The following GTF2F2 variants were observed in gnomAD, a reference collection of about 807,000 sequenced individuals.
GTF2F2 encodes the protein ATP-dependent helicase GTF2F2.
In GTF2F2, 23 loss-of-function variants were observed where a neutral mutation model predicts 42.2. The ratio of observed to expected loss-of-function variants is 0.55; its 90% CI spans 0.39 to 0.77. The LOEUF (loss-of-function observed/expected upper bound fraction) is 0.77, where lower values mean the gene tolerates loss of function less well. Among genes scored for constraint, GTF2F2 ranks in the 30% least tolerant of loss-of-function variants. The pLI is 0.00. For synonymous variants in GTF2F2, 105 were observed against 100.8 expected, an observed-to-expected ratio of 1.04 and a Z score of -0.25; for missense variants, 261 against 287.2, an observed-to-expected ratio of 0.91 and a Z score of 0.66.
chr13:45,184,971 C>G (rs539800228), intron 4 of GTF2F2, among the ~76,000 whole-genome samples: 1 of 152,052 alleles, frequency 6.6e-6, no homozygotes, highest in Non-Finnish European at 1.5e-5. Context: ...GCCACCACGC[C>G]CAACTGTTTT....
At chr13:45,130,306 G>C (rs1246347296) in intron 1 of GTF2F2, among the ~76,000 whole-genome samples, 5 of 152,220 alleles carry the variant, frequency 3.3e-5, no homozygotes, top group Non-Finnish European at 1.5e-5. Context: ...ATAGAATGAT[G>C]ATAGGGCTGT....
chr13:45,264,329 T>C (rs1876476962), intron 6 of GTF2F2, among the ~76,000 whole-genome samples: 1 of 151,958 alleles, frequency 6.6e-6, no homozygotes, highest in Admixed American at 6.6e-5. Flanking sequence ...TTGCTGAGAG[T>C]GGAGTGTAGT....
chr13:45,245,544 C>A, intron 5 of GTF2F2, among the ~76,000 whole-genome samples: 1 of 151,826 alleles, frequency 6.6e-6, no homozygotes, highest in Non-Finnish European at 1.5e-5. Context: ...TGAGAACATA[C>A]AATGTTTGGT....
At chr13:45,269,476 A>G (rs1876699601) in intron 7 of GTF2F2, among the ~76,000 whole-genome samples, 1 of 152,202 alleles carries the variant, frequency 6.6e-6, no homozygotes, top group Non-Finnish European at 1.5e-5. Context: ...TGACTGGGAA[A>G]GAAAGTTGCC....
chr13:45,124,555 T>TTTTG (rs372698272), intron 1 of GTF2F2, among the ~76,000 whole-genome samples: 9 of 151,518 alleles, frequency 5.9e-5, no homozygotes, highest in African/African-American at 1.7e-4. Flanking sequence ...ATGGGGTTTA[T>TTTTG]TTTGTTTGTT....
In GTF2F2 at chr13:45,136,470, T is replaced by C. The variant is rs149347438; in HGVS notation, c.67-263T>C. Among the ~76,000 whole-genome samples, 27 of 152,348 alleles carry C rather than the reference T, an allele frequency of 1.8e-4. 1 individual carries two copies. The South Asian group carries it at 5.6e-3, about 32-fold the overall frequency. On this transcript the variant is annotated intron_variant, in intron 1 of 7. Coordinates refer to ENST00000340473, the MANE Select transcript of GTF2F2 (RefSeq NM_004128.3). The stretch of plus-strand genomic sequence containing the variant: ...CTTCTGTGACCTTTAATTGGACTTA[T>C]TTGGGAAGATAAGTTGGTGCTTTAT...
chr13:45,216,770 C>G (rs1873906240), intron 5 of GTF2F2, among the ~76,000 whole-genome samples: 1 of 151,990 alleles, frequency 6.6e-6, no homozygotes, highest in African/African-American at 2.4e-5. Flanking sequence ...CCACCCGCTT[C>G]AGCCTCCCCA....
In GTF2F2 at chr13:45,234,994, A is replaced by G. The variant is rs112655882; in HGVS notation, c.387-17877A>G. Among the ~76,000 whole-genome samples the G allele has an allele frequency of 9.3e-3, 1,345 of 143,916 alleles. 12 individuals carry two copies. Among genetic ancestry groups the G allele is most frequent in the Middle Eastern group, 0.04 (11 of 276 alleles). The allele number at this position is 143,916 out of a possible 152,430, so 94.4% of individuals were successfully genotyped here. On this transcript the variant is annotated intron_variant, in intron 5 of 7. Transcript: ENST00000340473. ...CAGGAGGCAGAGCTTGCAGTGAGCC[A>G]AGATTGTGCCATTGCACTCCAGCCT...
intron 5 of GTF2F2, among the ~76,000 whole-genome samples, chr13:45,229,307 A>G (rs1233195823): frequency 7.0e-6 from 1 of 142,378 alleles, no homozygotes; most frequent in Non-Finnish European, 1.5e-5. Flanking sequence ...ACTTCCCCCC[A>G]CCTCCCACCA....
intron 4 of GTF2F2, among the ~76,000 whole-genome samples, chr13:45,186,024 G>C (rs1266016127): frequency 6.6e-6 from 1 of 151,968 alleles, no homozygotes; most frequent in Admixed American, 6.5e-5. Context: ...GCCCAGGCTG[G>C]AGTGCAGTGG....
intron 5 of GTF2F2, among the ~76,000 whole-genome samples, chr13:45,231,677 A>AT (rs922796694): frequency 7.4e-5 from 11 of 148,366 alleles, no homozygotes; most frequent in Non-Finnish European, 9.0e-5. Context: ...TCTTTCTCTC[A>AT]TTTTTTTTTT....
intron 4 of GTF2F2, among the ~76,000 whole-genome samples, chr13:45,177,163 A>T (rs1335397709): frequency 4.0e-5 from 6 of 150,760 alleles, no homozygotes; most frequent in African/African-American, 9.8e-5. Context: ...AGAATGATGT[A>T]TTTTTTTTTA....
rs370459653 is a variant in GTF2F2, at chr13:45,258,815, T to C, written c.486+5845T>C. Among the ~76,000 whole-genome samples, 47 of 152,336 alleles carry C rather than the reference T, an allele frequency of 3.1e-4. No individual in the cohort carries two copies. The South Asian group carries it at 7.5e-3, about 24-fold the overall frequency. ...TACGTTTGTCCAGTTTATAAAGATA[T>C]ATGCATAGCTCATGCTTTTAATTTT... On this transcript the variant is annotated intron_variant, in intron 6 of 7. Transcript: ENST00000340473.
chr13:45,251,266 C>A (rs1875865312), intron 5 of GTF2F2, among the ~76,000 whole-genome samples: 1 of 151,972 alleles, frequency 6.6e-6, no homozygotes, highest in Non-Finnish European at 1.5e-5. Context: ...TATACAGACA[C>A]CTTTTATACT....
intron 6 of GTF2F2, among the ~76,000 whole-genome samples, chr13:45,261,437 A>AC (rs1876339959): frequency 5.3e-5 from 8 of 150,918 alleles, no homozygotes; most frequent in African/African-American, 1.7e-4. Flanking sequence ...AAAAAAAAAA[A>AC]AAAAAAAGAA....
chr13:45,191,224 A>AAAAAAATATAT, intron 4 of GTF2F2, among the ~76,000 whole-genome samples: 7 of 75,346 alleles, frequency 9.3e-5, no homozygotes, highest in African/African-American at 6.0e-4. Flanking sequence ...ACAAAAAAAA[A>AAAAAAATATAT]ATATATATAT....
chr13:45,122,402 G>T (rs746680166), intron 1 of GTF2F2, among the ~76,000 whole-genome samples: 1 of 152,102 alleles, frequency 6.6e-6, no homozygotes, highest in Non-Finnish European at 1.5e-5. Flanking sequence ...TTGGGAGGCC[G>T]AGGTGGGTGG....
intron 5 of GTF2F2, among the ~76,000 whole-genome samples, chr13:45,251,907 A>G (rs1875893779): frequency 6.6e-6 from 1 of 152,194 alleles, no homozygotes. Context: ...TTGCATCATT[A>G]AAAATAGTTG....
chr13:45,207,571 A>G, intron 5 of GTF2F2, 66 bp downstream of exon 5: 8 of 942,568 alleles, frequency 8.5e-6, no homozygotes, highest in Non-Finnish European at 1.4e-5. Context: ...TACGTGTGTT[A>G]TATCGCCTAT....
Sources: gnomAD v4.1 joint callset for allele counts (sites outside exome capture counted in the v4.1 genomes callset) on GRCh38, gnomAD v4.1.1 for gene constraint, MANE v1.5 for transcripts, NCBI Gene and HGNC (gene_info 2026-07-23, HGNC 2026-07-21) for gene names.